The following CNTN5 variants were observed in gnomAD, a reference collection of about 807,000 sequenced individuals.
CNTN5 encodes the protein contactin-5.
In CNTN5, 77 loss-of-function variants were observed where a neutral mutation model predicts 129.1. The observed-to-expected ratio is 0.60, with a 90% CI of 0.50 to 0.72. The LOEUF (loss-of-function observed/expected upper bound fraction) is 0.72, where lower values mean the gene tolerates loss of function less well. Among genes scored for constraint, CNTN5 ranks in the 30% least tolerant of loss-of-function variants. The probability of loss-of-function intolerance (pLI) is 0.00; values close to 1 mark genes in which losing one functional copy is unlikely to be tolerated. For missense variants in CNTN5, 1,478 were observed against 1,328.8 expected, an observed-to-expected ratio of 1.11 and a Z score of -1.75; for synonymous variants, 509 against 465.6, an observed-to-expected ratio of 1.09 and a Z score of -1.20.
chr11:99,371,720 G>T (rs1939837564), intron 2 of CNTN5, among the ~76,000 whole-genome samples: 1 of 152,034 alleles, frequency 6.6e-6, no homozygotes, highest in African/African-American at 2.4e-5. Flanking sequence ...TTTTATTTTA[G>T]ATCACAAGCT....
At chr11:99,793,906 A>G (rs1337576894) in intron 3 of CNTN5, among the ~76,000 whole-genome samples, 1 of 152,132 alleles carries the variant, frequency 6.6e-6, no homozygotes, top group Non-Finnish European at 1.5e-5. Flanking sequence ...TTGTATGGAG[A>G]GTTCTGTAGA....
At chr11:100,006,373 C>G (rs914446935) in intron 9 of CNTN5, among the ~76,000 whole-genome samples, 4 of 152,082 alleles carry the variant, frequency 2.6e-5, no homozygotes, top group Admixed American at 6.6e-5. Context: ...TAGCATTTTA[C>G]CCACAGTAGA....
At chr11:99,982,884 G>A (rs575989932) in intron 8 of CNTN5, among the ~76,000 whole-genome samples, 74 of 152,068 alleles carry the variant, frequency 4.9e-4, no homozygotes, top group South Asian at 1.5e-3. Context: ...CTCATGATCC[G>A]CCCACCTCGG....
In CNTN5 at chr11:99,803,846, C is replaced by A. The variant is rs367623847; in HGVS notation, c.56-15698C>A. The stretch of plus-strand genomic sequence containing the variant: ...TCCCTGAGATCTGAGTTGTCCTTCA[C>A]TTTTCTGGTGGATTTCTGTTTTCCT... On this transcript the variant is annotated intron_variant, in intron 3 of 24. Transcript: ENST00000524871. 2.6e-4 allele frequency among the ~76,000 whole-genome samples: 40 copies of A among 152,272 alleles called. 1 individual carries two copies. In the South Asian group the frequency reaches 7.7e-3, roughly 29 times the overall value.
intron 3 of CNTN5, among the ~76,000 whole-genome samples, chr11:99,586,328 T>G (rs1352383727): frequency 1.3e-5 from 2 of 152,130 alleles, no homozygotes; most frequent in East Asian, 1.9e-4. Flanking sequence ...CTGACATAAC[T>G]CAGCATAATA....
chr11:99,446,019 G>T (rs1944051876), intron 2 of CNTN5, among the ~76,000 whole-genome samples: 2 of 151,610 alleles, frequency 1.3e-5, no homozygotes, highest in South Asian at 4.2e-4. Flanking sequence ...AGGAGGCGGA[G>T]GTTGCAGTGA....
At chr11:99,219,802 A>G (rs910793464) in intron 1 of CNTN5, among the ~76,000 whole-genome samples, 4 of 151,942 alleles carry the variant, frequency 2.6e-5, no homozygotes, top group Non-Finnish European at 5.9e-5. Context: ...AAGCAAGGAG[A>G]CCAGTTTGTA....
At chr11:99,824,686 A>G (rs1046033007) in intron 4 of CNTN5, among the ~76,000 whole-genome samples, 1 of 151,848 alleles carries the variant, frequency 6.6e-6, no homozygotes, top group Non-Finnish European at 1.5e-5. Context: ...ATTTCCTTCC[A>G]AATTTAAATT....
At chr11:99,617,094 GA>G (rs1403871411) in intron 3 of CNTN5, among the ~76,000 whole-genome samples, 7 of 152,128 alleles carry the variant, frequency 4.6e-5, no homozygotes, top group Non-Finnish European at 7.4e-5. Flanking sequence ...CTGGGCAACA[GA>G]GTGAGACTCC....
At chr11:99,645,015 C>G (rs1951901333) in intron 3 of CNTN5, among the ~76,000 whole-genome samples, 1 of 151,050 alleles carries the variant, frequency 6.6e-6, no homozygotes, top group Non-Finnish European at 1.5e-5. Context: ...GCCTGTAATC[C>G]CAGCACTTTG....
chr11:99,762,972 T>C (rs994093866), intron 3 of CNTN5, among the ~76,000 whole-genome samples: 1 of 152,124 alleles, frequency 6.6e-6, no homozygotes, highest in Non-Finnish European at 1.5e-5. Context: ...AGTCTCCCAA[T>C]AAACACATGT....
intron 2 of CNTN5, among the ~76,000 whole-genome samples, chr11:99,422,540 A>C (rs962975774): frequency 7.0e-6 from 1 of 143,240 alleles, no homozygotes. Flanking sequence ...ATATATATAT[A>C]TATATATATA....
chr11:99,821,319 C>T (rs1356575174), intron 4 of CNTN5, among the ~76,000 whole-genome samples: 7 of 152,092 alleles, frequency 4.6e-5, no homozygotes, highest in Non-Finnish European at 1.0e-4. Flanking sequence ...AATATTGGGA[C>T]ATAAGATGGA....
intron 8 of CNTN5, among the ~76,000 whole-genome samples, chr11:99,968,355 C>T (rs754523893): frequency 6.6e-6 from 1 of 152,112 alleles, no homozygotes; most frequent in Non-Finnish European, 1.5e-5. Flanking sequence ...GGTGGGGAGT[C>T]TATGATTTTC....
chr11:100,189,352 T>G (rs943264548), intron 13 of CNTN5, among the ~76,000 whole-genome samples: 1 of 151,702 alleles, frequency 6.6e-6, no homozygotes, highest in Non-Finnish European at 1.5e-5. Context: ...ATTCATAAAC[T>G]GTCTTTAATA....
chr11:99,767,833 A>T (rs1039993617), intron 3 of CNTN5, among the ~76,000 whole-genome samples: 1 of 152,094 alleles, frequency 6.6e-6, no homozygotes, highest in African/African-American at 2.4e-5. Context: ...AATAAAATGA[A>T]TAATTTCTGT....
At chr11:100,142,347 T>C (rs1946721337) in intron 13 of CNTN5, among the ~76,000 whole-genome samples, 2 of 152,218 alleles carry the variant, frequency 1.3e-5, no homozygotes, top group Admixed American at 6.5e-5. Context: ...TCTGTCTATC[T>C]GTTGATCTCT....
intron 1 of CNTN5, among the ~76,000 whole-genome samples, chr11:99,242,941 AAC>A (rs1417379806): frequency 9.9e-5 from 15 of 152,116 alleles, no homozygotes; most frequent in Non-Finnish European, 1.9e-4. Context: ...TGCTGTGATG[AAC>A]CTGAGAGTAC....
At chr11:99,688,628 A>G (rs143916279) in intron 3 of CNTN5, among the ~76,000 whole-genome samples, 1 of 152,220 alleles carries the variant, frequency 6.6e-6, no homozygotes, top group African/African-American at 2.4e-5. Flanking sequence ...TTTTAAGTCC[A>G]GAAATACATT....
Sources: allele counts gnomAD v4.1 joint callset (sites outside exome capture counted in the v4.1 genomes callset), GRCh38; gene constraint gnomAD v4.1.1; transcripts MANE v1.5; gene names NCBI Gene and HGNC (gene_info 2026-07-23, HGNC 2026-07-21).